Variants in PLXNA4 observed in about 807,000 individuals in gnomAD.
The protein encoded by PLXNA4 is plexin A4.
Under a neutral mutation model 191.8 loss-of-function variants are expected in PLXNA4, and 44 were observed. The ratio of observed to expected loss-of-function variants is 0.23; its 90% confidence interval spans 0.18 to 0.29. The LOEUF (loss-of-function observed/expected upper bound fraction) is 0.29. Among genes scored for constraint, PLXNA4 ranks in the 10% least tolerant of loss-of-function variants. PLXNA4 has a pLI of 1.00. For missense variants in PLXNA4, 1,800 were observed against 2,488.8 expected (o/e 0.72, Z 5.89); for synonymous variants, 1,082 against 1,009.5 (o/e 1.07, Z -1.36).
At chr7:132,550,442 G>A (rs972759828) in intron 1 of PLXNA4, among the ~76,000 whole-genome samples, 2 of 152,206 alleles carry the variant, frequency 1.3e-5, no homozygotes, top group Non-Finnish European at 2.9e-5. Flanking sequence ...TCTGGGGAAG[G>A]ACCTCTTCCA....
chr7:132,357,088 C>T (rs760066312), intron 3 of PLXNA4, among the ~76,000 whole-genome samples: 4 of 152,134 alleles, frequency 2.6e-5, no homozygotes, highest in Non-Finnish European at 5.9e-5. Flanking sequence ...TAAGGAATGT[C>T]GACCAGCCAG....
chr7:132,481,007 T>TGCAAGCAAAGCTACAG (rs1797311585), intron 3 of PLXNA4, among the ~76,000 whole-genome samples: 1 of 152,058 alleles, frequency 6.6e-6, no homozygotes. Flanking sequence ...TCCACTTCCA[T>TGCAAGCAAAGCTACAG]GCAAGCAAAG....
intron 3 of PLXNA4, among the ~76,000 whole-genome samples, chr7:132,335,475 G>T (rs1585006663): frequency 6.6e-6 from 1 of 152,188 alleles, no homozygotes; most frequent in African/African-American, 2.4e-5. Context: ...CCTTCAATGA[G>T]TTAGCCTTGT....
intron 4 of PLXNA4, among the ~76,000 whole-genome samples, chr7:132,255,727 T>C (rs551272612): frequency 6.6e-6 from 1 of 152,284 alleles, no homozygotes; most frequent in African/African-American, 2.4e-5. Context: ...TCCCTATCAA[T>C]AGGGCTTTGG....
In PLXNA4 at chr7:132,564,929, G is replaced by A. The variant is rs374222816; in HGVS notation, c.-87+11493C>T. On this transcript the variant is annotated intron_variant, in intron 1 of 31. Transcript: ENST00000321063. Reference sequence around the variant, plus strand: ...CCATCCCTGCTGCATTCTCCTTTCCGACCTGCCATCCCTGCTGCATTCTCC... The same window carrying A: ...CCATCCCTGCTGCATTCTCCTTTCCAACCTGCCATCCCTGCTGCATTCTCC... 2.3e-4 allele frequency among the ~76,000 whole-genome samples: 35 copies of A among 149,502 alleles called. No individual in the cohort carries two copies. The East Asian group carries it at 5.1e-3, about 22-fold the overall frequency.
intron 3 of PLXNA4, among the ~76,000 whole-genome samples, chr7:132,314,236 A>AT (rs1352471250): frequency 2.0e-5 from 3 of 152,172 alleles, no homozygotes; most frequent in Non-Finnish European, 4.4e-5. Flanking sequence ...AATTTTCACA[A>AT]TTTTTGCTTA....
chr7:132,625,641 T>G (rs991349912), intron 2 of PLXNA4, among the ~76,000 whole-genome samples: 6 of 152,256 alleles, frequency 3.9e-5, no homozygotes, highest in African/African-American at 1.2e-4. Context: ...CCTCATGCAT[T>G]TGGCACATGT....
chr7:132,494,885 C>T (rs1322007216), intron 2 of PLXNA4, among the ~76,000 whole-genome samples: 3 of 152,172 alleles, frequency 2.0e-5, no homozygotes, highest in African/African-American at 7.2e-5. Context: ...AAAGCCACTG[C>T]CACTGCCCAA....
chr7:132,512,763 T>G (rs1484264979), intron 1 of PLXNA4, among the ~76,000 whole-genome samples: 8 of 152,178 alleles, frequency 5.3e-5, no homozygotes, highest in African/African-American at 1.9e-4. Flanking sequence ...AGCAAGAGTT[T>G]CCAGGGGGGT....
intron 2 of PLXNA4, among the ~76,000 whole-genome samples, chr7:132,622,897 C>T (rs1006134103): frequency 7.2e-5 from 11 of 152,130 alleles, no homozygotes; most frequent in African/African-American, 2.7e-4. Context: ...AGAAATTGCC[C>T]GAGGTAGAGT....
chr7:132,310,960 C>T (rs1199373086), intron 3 of PLXNA4, among the ~76,000 whole-genome samples: 2 of 152,196 alleles, frequency 1.3e-5, no homozygotes, highest in Non-Finnish European at 2.9e-5. Flanking sequence ...TGCCTTTCTC[C>T]ATTCACTCCT....
At chr7:132,531,561 T>A (rs1799616330) in intron 1 of PLXNA4, among the ~76,000 whole-genome samples, 1 of 152,142 alleles carries the variant, frequency 6.6e-6, no homozygotes, top group Non-Finnish European at 1.5e-5. Context: ...AAATGCAAAT[T>A]CTCAGACTTC....
At chr7:132,622,658 T>C (rs1378190456) in intron 2 of PLXNA4, among the ~76,000 whole-genome samples, 1 of 152,226 alleles carries the variant, frequency 6.6e-6, no homozygotes, top group Non-Finnish European at 1.5e-5. Context: ...ACTCCAGTTG[T>C]TGGTCAGCGC....
At chr7:132,491,842 G>A (rs190090513) in intron 2 of PLXNA4, among the ~76,000 whole-genome samples, 11 of 152,234 alleles carry the variant, frequency 7.2e-5, no homozygotes, top group Non-Finnish European at 8.8e-5. Flanking sequence ...TAAGGAGATG[G>A]GGAAGGAGAC....
chr7:132,164,991 CATG>C (rs1344759300), intron 23 of PLXNA4, 140 bp downstream of exon 23: 1 of 1,277,784 alleles, frequency 7.8e-7, no homozygotes. Context: ...CTAGACAGTC[CATG>C]ATAAGGATGA....
intron 1 of PLXNA4, among the ~76,000 whole-genome samples, chr7:132,535,597 C>T (rs113563543): frequency 0.03 from 4,617 of 152,182 alleles, 117 homozygotes; most frequent in Admixed American, 0.076. Flanking sequence ...CGATGGCAGC[C>T]GCCCCATAGC....
chr7:132,305,396 A>ACACACACACG (rs1801476949), intron 3 of PLXNA4, among the ~76,000 whole-genome samples: 2 of 149,868 alleles, frequency 1.3e-5, no homozygotes, highest in Admixed American at 6.6e-5. Context: ...ACACACACAC[A>ACACACACACG]CACACACACA....
intron 4 of PLXNA4, among the ~76,000 whole-genome samples, chr7:132,265,222 C>T (rs1247119634): frequency 6.6e-6 from 1 of 152,170 alleles, no homozygotes; most frequent in Non-Finnish European, 1.5e-5. Flanking sequence ...GCTTTGGGGT[C>T]AGCTGGGTCC....
chr7:132,325,660 G>C (rs1186159048), intron 3 of PLXNA4, among the ~76,000 whole-genome samples: 1 of 152,000 alleles, frequency 6.6e-6, no homozygotes. Flanking sequence ...GGCAAGGAAG[G>C]GTTCTACACA....
Sources: allele counts gnomAD v4.1 joint callset (sites outside exome capture counted in the v4.1 genomes callset), GRCh38; gene constraint gnomAD v4.1.1; transcripts MANE v1.5; gene names NCBI Gene and HGNC (gene_info 2026-07-23, HGNC 2026-07-21).